USF2: variants seen among roughly 807,000 people sequenced by gnomAD.
USF2 encodes upstream transcription factor 2, c-fos interacting, also known as upstream stimulatory factor 2.
In USF2, 16 loss-of-function variants were observed where a neutral mutation model predicts 46.9. The observed-to-expected ratio is 0.34, with a 90% confidence interval of 0.23 to 0.52. USF2 has a LOEUF of 0.52. Ranked by LOEUF, USF2 falls within the 20% of genes least tolerant of loss-of-function variation. USF2 has a pLI of 0.96. For missense variants in USF2, 411 were observed against 474.0 expected (o/e 0.87, Z 1.23); for synonymous variants, 239 against 194.1 (o/e 1.23, Z -1.92).
intron 7 of USF2, chr19:35,275,838 G>T (rs1052036516): frequency 6.6e-6 from 1 of 152,182 alleles, no homozygotes; most frequent in Non-Finnish European, 1.5e-5. Flanking sequence ...CTAGCTTGGC[G>T]GAAGCTTCTG....
At position 35,269,645 on chromosome 19, in the gene USF2, G is replaced by A. The variant is rs777905973; in HGVS notation, c.174G>A (p.Ala58=). The A allele has an allele frequency of 6.4e-7, 1 of 1,558,260 alleles. No individual in the cohort carries two copies. The highest frequency in any genetic ancestry group is 1.1e-5 in the South Asian group (1 of 88,708). The part of the protein sequence containing the change: ...AVAITSVQQA[A]FGDHNIQYQF... The stretch of plus-strand genomic sequence containing the variant: ...CCATCACCAGCGTCCAGCAGGCGGC[G>A]TTCGGCGACCACAACATCCAGTACC... Residue 58 remains alanine (A), a synonymous_variant, in exon 3 of 10, where the codon GCG becomes GCA. Transcript: ENST00000222305.
chr19:35,269,289 G>C (rs944013287), intron 1 of USF2, 126 bp downstream of exon 1: 13 of 876,310 alleles, frequency 1.5e-5, no homozygotes, highest in African/African-American at 1.9e-5. Flanking sequence ...CCGCCGGCGC[G>C]GGGGGGACCT....
At chr19:35,270,667 C>G in intron 5 of USF2, 51 bp from the exon 6 acceptor site, 1 of 1,612,084 alleles carries the variant, frequency 6.2e-7, no homozygotes, top group Non-Finnish European at 8.5e-7. Flanking sequence ...GCCCCCCCAG[C>G]CAGTTCTGAC....
intron 7 of USF2, among the ~76,000 whole-genome samples, chr19:35,274,137 C>T (rs1256276374): frequency 2.0e-5 from 3 of 152,202 alleles, no homozygotes; most frequent in South Asian, 2.1e-4. Flanking sequence ...ACTACCTATT[C>T]GAGATTTCTG....
In USF2 at chr19:35,279,557, C is replaced by T. The variant is rs888429081; in HGVS notation, c.*301C>T. The T allele has an allele frequency of 5.6e-6, 2 of 359,630 alleles. No individual in the cohort carries two copies. Among genetic ancestry groups the T allele is most frequent in the African/African-American group, 2.1e-5 (1 of 47,224 alleles). The allele number at this position is 359,630 out of a possible 1,614,324, so 22.3% of individuals were successfully genotyped here. A position where few individuals can be genotyped will look rare whatever the true frequency, so the allele number is the denominator to read the frequency against. On this transcript the variant is annotated 3_prime_UTR_variant, in exon 10 of 10. Transcript: ENST00000222305. ...AGGCAAGAGGGAGGGGACAGAGGCC[C>T]TGCCACGTCCCGCTGCCTCCTGCTC...
In USF2 at chr19:35,269,507, G is replaced by A. The variant is rs772249241; in HGVS notation, c.109+15G>A. On this transcript the variant is annotated intron_variant, in intron 2 of 9. Transcript: ENST00000222305. ...GCTGCAGGAAGGTGAGTGCTTGCCGGGCCGGCCGCGCCCGGGGAGGGCTGG... is the reference window on the plus strand; with the variant it reads ...GCTGCAGGAAGGTGAGTGCTTGCCGAGCCGGCCGCGCCCGGGGAGGGCTGG... 1.9e-6 allele frequency: 3 copies of A among 1,543,838 alleles called. No individual in the cohort carries two copies. Among genetic ancestry groups the A allele is most frequent in the South Asian group, 1.2e-5 (1 of 83,216 alleles).
chr19:35,269,709 G>T lies in USF2; in HGVS notation c.228+10G>T, dbSNP rs1364664711. 2.1e-6 allele frequency: 3 copies of T among 1,442,284 alleles called. No homozygotes were observed. Among genetic ancestry groups the T allele is most frequent in the Admixed American group, 2.9e-5 (1 of 34,198 alleles). The allele number at this position is 1,442,284 out of a possible 1,614,324, so 89.3% of individuals were successfully genotyped here. ...GACAAATGGAGGACAGGTGAGCGGCGGGCCGCGAGGGCGAACGGGCGGGCG... is the reference window on the plus strand; with the variant it reads ...GACAAATGGAGGACAGGTGAGCGGCTGGCCGCGAGGGCGAACGGGCGGGCG... On this transcript the variant is annotated intron_variant, in intron 3 of 9. Coordinates refer to ENST00000222305, the MANE Select transcript of USF2 (RefSeq NM_003367.4).
chr19:35,276,763 A>G lies in USF2; in HGVS notation c.728-1935A>G, dbSNP rs373198301. The stretch of plus-strand genomic sequence containing the variant: ...CCACCCCCATTCCCATGCAGAGGCC[A>G]TGGCTCGGCGCCTGGCGTTCCCGAG... On this transcript the variant is annotated intron_variant, in intron 7 of 9. Transcript: ENST00000222305. 2.6e-5 allele frequency among the ~76,000 whole-genome samples: 4 copies of G among 152,306 alleles called. No individual in the cohort carries two copies. In the South Asian group the frequency reaches 8.3e-4, roughly 32 times the overall value.
intron 4 of USF2, 198 bp from the exon 5 acceptor site, chr19:35,270,249 G>T: frequency 1.1e-6 from 1 of 944,120 alleles, no homozygotes; most frequent in African/African-American, 1.7e-5. Flanking sequence ...AGTGCGAAAC[G>T]GATTTGCTCA....
chr19:35,273,005 C>T (rs2066179612), intron 7 of USF2, among the ~76,000 whole-genome samples: 2 of 152,122 alleles, frequency 1.3e-5, no homozygotes, highest in Admixed American at 1.3e-4. Context: ...TGCAGTGAGT[C>T]TTGGTGGCCA....
chr19:35,278,344 A>G (rs968586922), intron 7 of USF2: 5 of 251,600 alleles, frequency 2.0e-5, no homozygotes, highest in African/African-American at 6.8e-5. Flanking sequence ...CCATTTCTCA[A>G]AAGAAGCCAG....
At chr19:35,272,136 G>T (rs1453232664) in intron 7 of USF2, among the ~76,000 whole-genome samples, 2 of 152,150 alleles carry the variant, frequency 1.3e-5, no homozygotes, top group African/African-American at 4.8e-5. Flanking sequence ...GAGTTCAGGC[G>T]TTCATTCAGC....
chr19:35,274,318 C>T (rs546537826), intron 7 of USF2, among the ~76,000 whole-genome samples: 1 of 152,338 alleles, frequency 6.6e-6, no homozygotes, highest in African/African-American at 2.4e-5. Context: ...CAACTCTGCC[C>T]TCTTCTTCCC....
At chr19:35,272,535 A>G (rs1400458707) in intron 7 of USF2, among the ~76,000 whole-genome samples, 1 of 152,046 alleles carries the variant, frequency 6.6e-6, no homozygotes, top group Non-Finnish European at 1.5e-5. Context: ...GGAAAGAGGA[A>G]GTTGGCGCAG....
chr19:35,269,509 C>T lies in USF2; in HGVS notation c.109+17C>T. On this transcript the variant is annotated intron_variant, in intron 2 of 9. Coordinates refer to ENST00000222305, the MANE Select transcript of USF2 (RefSeq NM_003367.4). ...TGCAGGAAGGTGAGTGCTTGCCGGG[C>T]CGGCCGCGCCCGGGGAGGGCTGGGG... is the stretch of plus-strand genomic sequence containing the variant. 1 of 1,538,926 alleles carries T rather than the reference C, an allele frequency of 6.5e-7. No individual in the cohort carries two copies.
At chr19:35,269,384 C>G (rs1158302573) in intron 1 of USF2, 62 bp from the exon 2 acceptor site, 2 of 1,292,228 alleles carry the variant, frequency 1.5e-6, no homozygotes, top group Non-Finnish European at 2.0e-6. Flanking sequence ...TGCAGCTGGG[C>G]GCGGGGGCGG....
At chr19:35,278,855 G>A (rs1160403508) in intron 8 of USF2, 63 bp downstream of exon 8, 1 of 1,610,326 alleles carries the variant, frequency 6.2e-7, no homozygotes, top group Non-Finnish European at 8.5e-7. Context: ...CATGCAGAAA[G>A]TCCAACAGCC....
intron 7 of USF2, among the ~76,000 whole-genome samples, chr19:35,274,184 G>A (rs1202408293): frequency 6.6e-6 from 1 of 152,020 alleles, no homozygotes; most frequent in African/African-American, 2.4e-5. Flanking sequence ...AACTCAACTC[G>A]CCCAAAAGAG....
At chr19:35,278,641 C>T (rs904328112) in intron 7 of USF2, 57 bp from the exon 8 acceptor site, 246 of 1,575,882 alleles carry the variant, frequency 1.6e-4, no homozygotes, top group Non-Finnish European at 1.9e-4. Context: ...CCTGTGAGGA[C>T]GGCCGCTCAG....
Sources: gnomAD v4.1 joint callset for allele counts (sites outside exome capture counted in the v4.1 genomes callset) on GRCh38, gnomAD v4.1.1 for gene constraint, MANE v1.5 for transcripts, NCBI Gene and HGNC (gene_info 2026-07-23, HGNC 2026-07-21) for gene names.